PTK7: variants seen among roughly 807,000 people sequenced by gnomAD.
PTK7 encodes the protein protein tyrosine kinase 7 (inactive), also known as inactive tyrosine-protein kinase 7.
In PTK7, 39 loss-of-function variants were observed where a neutral mutation model predicts 116.6. The ratio of observed to expected loss-of-function variants is 0.33; its 90% CI spans 0.26 to 0.44. The LOEUF is 0.44. Ranked by LOEUF, PTK7 falls within the 20% of genes least tolerant of loss-of-function variation. PTK7 has a pLI of 1.00. For missense variants in PTK7, 1,169 were observed against 1,425.6 expected (o/e 0.82, Z 2.90); for synonymous variants, 546 against 563.6 (o/e 0.97, Z 0.44).
At chr6:43,132,856 C>A in intron 7 of PTK7, 169 bp downstream of exon 7, 1 of 951,260 alleles carries the variant, frequency 1.1e-6, no homozygotes. Flanking sequence ...GAGAGCCAGG[C>A]ACAGGGGTTA....
In PTK7 at chr6:43,130,312, C is replaced by G; in HGVS notation, c.553C>G (p.Leu185Val). The G allele has an allele frequency of 3.1e-6, 5 of 1,612,570 alleles. No individual in the cohort carries two copies. The highest frequency in any genetic ancestry group is 2.5e-6 in the Non-Finnish European group (3 of 1,179,150). ...NHTVSSKERNLTLRPAGPEHS... is the reference protein window; with the variant it reads ...NHTVSSKERNVTLRPAGPEHS... Reference sequence around the variant, plus strand: ...CACAGTCAGCAGCAAGGAGCGGAACCTGACGCTCCGGCCAGCTGGTCCTGA... The same window carrying G: ...CACAGTCAGCAGCAAGGAGCGGAACGTGACGCTCCGGCCAGCTGGTCCTGA... The change falls in exon 4 of 20, where the codon CTG becomes GTG. Residue 185 changes from leucine (L) to valine (V), a missense_variant. Around this residue, in one of 3 missense-constraint regions of PTK7, gnomAD observed 487 missense variants for 549.8 expected, o/e 0.89. Coordinates refer to ENST00000230419, the MANE Select transcript of PTK7 (RefSeq NM_002821.5).
At chr6:43,148,070 T>C (rs1736005803) in intron 17 of PTK7, among the ~76,000 whole-genome samples, 1 of 151,828 alleles carries the variant, frequency 6.6e-6, no homozygotes, top group Non-Finnish European at 1.5e-5. Flanking sequence ...CTGGGCAACA[T>C]AGTAAGACCC....
At chr6:43,123,201 C>T (rs535358353) in intron 1 of PTK7, among the ~76,000 whole-genome samples, 4 of 151,840 alleles carry the variant, frequency 2.6e-5, no homozygotes, top group South Asian at 2.1e-4. Flanking sequence ...GTGATCCGCC[C>T]GCCTTGGCCT....
intron 1 of PTK7, among the ~76,000 whole-genome samples, chr6:43,111,591 C>T (rs1768195298): frequency 6.6e-6 from 1 of 152,236 alleles, no homozygotes; most frequent in African/African-American, 2.4e-5. Context: ...CACTGTTTCA[C>T]ACTGCTACCT....
chr6:43,158,701 C>CT, intron 17 of PTK7, 116 bp from the exon 18 acceptor site: 2 of 1,123,246 alleles, frequency 1.8e-6, no homozygotes, highest in Non-Finnish European at 2.5e-6. Context: ...TGTTGTGCTT[C>CT]TGGGCTTCCT....
intron 17 of PTK7, among the ~76,000 whole-genome samples, chr6:43,153,959 T>A (rs1182841258): frequency 2.0e-5 from 3 of 151,900 alleles, no homozygotes; most frequent in Non-Finnish European, 4.4e-5. Flanking sequence ...TAATGGCAGT[T>A]CAAGACCAGC....
intron 1 of PTK7, among the ~76,000 whole-genome samples, chr6:43,105,450 C>CAAAAAAAAAAAAAAAAAAAAAAAAAAA (rs34623759): frequency 2.1e-5 from 2 of 93,422 alleles, no homozygotes. Context: ...AACTGTATAG[C>CAAAAAAAAAAAAAAAAAAAAAAAAAAA]AAAAAAAAAA....
chr6:43,141,760 A>G lies in PTK7; in HGVS notation c.1711A>G (p.Ile571Val). 1.9e-6 allele frequency: 3 copies of G among 1,614,054 alleles called. No individual in the cohort carries two copies. The highest frequency in any genetic ancestry group is 2.5e-6 in the Non-Finnish European group (3 of 1,180,008). ...AGATGACGCTGGCAACTACACTTGC[A>G]TTGCCTCCAACGGGCCGCAGGGCCA... ...TRDDAGNYTC[I>V]ASNGPQGQIR... The change falls in exon 11 of 20, where the codon ATT (isoleucine) becomes GTT (valine). Residue 571 changes from isoleucine (I) to valine (V), a missense_variant. This residue lies in a region of PTK7 where 678 missense variants were observed against 853.8 expected (regional missense o/e 0.79). Transcript: ENST00000230419. The surrounding 1 kb of genome is among the most constrained non-coding windows in gnomAD (Gnocchi z 4.9).
rs1244315637 is a variant in PTK7 at position 43,076,420 on chromosome 6, G to A, written c.-69G>A. On this transcript the variant is annotated 5_prime_UTR_variant, in exon 1 of 20. It adds an upstream start codon to the 5' untranslated region. Transcript: ENST00000230419. This position sits in a 1 kb window ranked among gnomAD's most constrained non-coding sequence, Gnocchi z 5.7. ...CGCGCTCCGGTGCGCTCCGCCTCCTGTGCCCGCCGCGGAGCGCAGTCTGCG... is the reference window on the plus strand; with the variant it reads ...CGCGCTCCGGTGCGCTCCGCCTCCTATGCCCGCCGCGGAGCGCAGTCTGCG... 6.0e-6 allele frequency: 8 copies of A among 1,337,768 alleles called. No homozygotes were observed. The highest frequency in any genetic ancestry group is 7.8e-6 in the Non-Finnish European group (8 of 1,021,074). The allele number at this position is 1,337,768 out of a possible 1,614,324, so 82.9% of individuals were successfully genotyped here.
At chr6:43,082,210 C>G (rs1050114647) in intron 1 of PTK7, among the ~76,000 whole-genome samples, 1 of 152,188 alleles carries the variant, frequency 6.6e-6, no homozygotes, top group Admixed American at 6.5e-5. Context: ...GAGTCTCACT[C>G]TGTCGCCCAG....
intron 1 of PTK7, among the ~76,000 whole-genome samples, chr6:43,079,916 C>T (rs748576334): frequency 6.6e-6 from 1 of 151,030 alleles, no homozygotes; most frequent in Admixed American, 6.6e-5. Context: ...AAAAAAATTG[C>T]CAGGCATGGT....
chr6:43,141,810 T>C lies in PTK7; in HGVS notation c.1761T>C (p.Thr587=), dbSNP rs1770425160. 1.2e-6 allele frequency: 2 copies of C among 1,613,474 alleles called. No individual in the cohort carries two copies. The highest frequency in any genetic ancestry group is 1.7e-6 in the Non-Finnish European group (2 of 1,179,776). Residue 587 remains threonine, a synonymous_variant, in exon 11 of 20, where the codon ACT becomes ACC. Transcript: ENST00000230419. This position sits in a 1 kb window ranked among gnomAD's most constrained non-coding sequence, Gnocchi z 4.9. The part of the protein sequence containing the change: ...QGQIRAHVQL[T]VAVFITFKVE... The stretch of plus-strand genomic sequence containing the variant: ...AGATTCGTGCCCATGTCCAGCTCAC[T>C]GTGGCAGGTGCGACCGTGGCAGGGC...
intron 1 of PTK7, among the ~76,000 whole-genome samples, chr6:43,104,061 G>C: frequency 6.6e-6 from 1 of 152,170 alleles, no homozygotes; most frequent in South Asian, 2.1e-4. Context: ...AGTACTTAGA[G>C]CAGTGCCTGG....
chr6:43,084,917 G>A (rs1221791916), intron 1 of PTK7, among the ~76,000 whole-genome samples: 2 of 152,158 alleles, frequency 1.3e-5, no homozygotes, highest in African/African-American at 4.8e-5. Flanking sequence ...ATCGGACCAG[G>A]ATTCTGAAAA....
chr6:43,102,852 T>C (rs1767662311), intron 1 of PTK7, among the ~76,000 whole-genome samples: 1 of 152,130 alleles, frequency 6.6e-6, no homozygotes, highest in Admixed American at 6.6e-5. Context: ...TATAGCCAGG[T>C]GGCGTGTACC....
intron 17 of PTK7, among the ~76,000 whole-genome samples, chr6:43,157,382 T>C (rs1447621384): frequency 7.5e-4 from 79 of 105,320 alleles, no homozygotes; most frequent in South Asian, 2.1e-3. Flanking sequence ...TTTTCTTTTT[T>C]TTTTTTTTTT....
rs948842137 is a variant in PTK7 at position 43,143,300 on chromosome 6, G to A, written c.2048-117G>A. 1.0e-6 allele frequency: 1 copy of A among 974,806 alleles called. No homozygotes were observed. Among genetic ancestry groups the A allele is most frequent in the Non-Finnish European group, 1.5e-6 (1 of 654,222 alleles). 60.4% of individuals were successfully genotyped at this position (974,806 alleles called of 1,614,324 possible). On this transcript the variant is annotated intron_variant, in intron 13 of 19. Transcript: ENST00000230419. The surrounding 1 kb of genome is among the most constrained non-coding windows in gnomAD (Gnocchi z 4.2). ...CCTTGTTAAAGCCAGTGAAGGTGGT[G>A]ACCCTCCCGGGCCATCTGTTAAGTT... is the stretch of plus-strand genomic sequence containing the variant.
chr6:43,153,055 G>A (rs1363096111), intron 17 of PTK7, among the ~76,000 whole-genome samples: 1 of 151,856 alleles, frequency 6.6e-6, no homozygotes, highest in African/African-American at 2.4e-5. Context: ...CAAAGTGCTG[G>A]GATTACAAGT....
intron 5 of PTK7, 75 bp downstream of exon 5, chr6:43,130,736 T>C: frequency 1.3e-6 from 2 of 1,536,690 alleles, no homozygotes; most frequent in Non-Finnish European, 1.8e-6. Context: ...GTGCGATTTG[T>C]ATCACAGACA....
Sources: allele counts gnomAD v4.1 joint callset (sites outside exome capture counted in the v4.1 genomes callset), GRCh38; gene constraint gnomAD v4.1.1; regional missense constraint gnomAD v4.1.1; non-coding constraint Gnocchi (gnomAD v3.1); transcripts MANE v1.5; gene names NCBI Gene and HGNC (gene_info 2026-07-23, HGNC 2026-07-21).